The following ELAVL3 variants were observed in gnomAD, a reference collection of about 807,000 sequenced individuals.
The protein encoded by ELAVL3 is ELAV-like protein 3.
Under a neutral mutation model 34.2 loss-of-function variants are expected in ELAVL3, and 8 were observed. That is an observed-to-expected ratio of 0.23 (90% CI 0.14 to 0.42). The LOEUF is 0.42. Among genes scored for constraint, ELAVL3 ranks in the 10% least tolerant of loss-of-function variants. The pLI is 1.00. For synonymous variants in ELAVL3, 209 were observed against 222.1 expected, an observed-to-expected ratio of 0.94 and a Z score of 0.53; for missense variants, 273 against 518.8, an observed-to-expected ratio of 0.53 and a Z score of 4.60.
intron 1 of ELAVL3, among the ~76,000 whole-genome samples, chr19:11,473,544 A>G (rs573933696): frequency 4.6e-5 from 7 of 152,334 alleles, no homozygotes; most frequent in African/African-American, 1.7e-4. Context: ...TTGTTCCCAA[A>G]TATTGGCTAC....
intron 3 of ELAVL3, among the ~76,000 whole-genome samples, chr19:11,459,274 C>T (rs981278975): frequency 6.6e-6 from 1 of 151,992 alleles, no homozygotes; most frequent in African/African-American, 2.4e-5. Flanking sequence ...AGGCGCCCAC[C>T]ACCACGCCTA....
Position 11,480,617 on chromosome 19 carries a change from GC to G in ELAVL3, c.-10del. 1 of 1,456,608 alleles carries G rather than the reference GC, an allele frequency of 6.9e-7. No individual in the cohort carries two copies. Among genetic ancestry groups the G allele is most frequent in the South Asian group, 1.5e-5 (1 of 67,166 alleles). The allele number at this position is 1,456,608 out of a possible 1,614,324, so 90.2% of individuals were successfully genotyped here. A position where few individuals can be genotyped will look rare whatever the true frequency, so the allele number is the denominator to read the frequency against. On this transcript the variant is annotated 5_prime_UTR_variant, in exon 1 of 7. Coordinates refer to ENST00000359227, the MANE Select transcript of ELAVL3 (RefSeq NM_001420.4). This position sits in a 1 kb window ranked among gnomAD's most constrained non-coding sequence, Gnocchi z 6.8. ...ATACCTACAGTGACCATTCTTGTGTGCCCGGCGGGCGCGGTCCGTGTTGAGG... is the reference window on the plus strand; with the variant it reads ...ATACCTACAGTGACCATTCTTGTGTGCCGGCGGGCGCGGTCCGTGTTGAGG...
At chr19:11,465,350 A>G (rs907074886) in intron 3 of ELAVL3, among the ~76,000 whole-genome samples, 8 of 126,088 alleles carry the variant, frequency 6.3e-5, no homozygotes, top group South Asian at 2.4e-4. Context: ...ACACATGCGT[A>G]CACACACACA....
In ELAVL3 at chr19:11,465,124, TACAC is replaced by T. The variant is rs1971012601; in HGVS notation, c.333+1044_333+1047del. ...CACACATACACATACACCACACACATACACACCACACACATACACATACACACCA... is the reference window on the plus strand; with the variant it reads ...CACACATACACATACACCACACACATACCACACACATACACATACACACCA... On this transcript the variant is annotated intron_variant, in intron 3 of 6. Coordinates refer to ENST00000359227, the MANE Select transcript of ELAVL3 (RefSeq NM_001420.4). Among the ~76,000 whole-genome samples, 13 of 73,824 alleles carry T rather than the reference TACAC, an allele frequency of 1.8e-4. No individual in the cohort carries two copies. The Admixed American group carries it at 1.8e-3, about 10-fold the overall frequency. The allele number at this position is 73,824 out of a possible 152,430, so 48.4% of individuals were successfully genotyped here.
rs1236599277 is a variant in ELAVL3, at chr19:11,464,167, A to ATTT, written c.333+2002_333+2004dup. ...TCTCTCTCTCTATATATATATATAT[A>ATTT]TTTTTTTTTTTTTTAGACAGGGTCT... On this transcript the variant is annotated intron_variant, in intron 3 of 6. Coordinates refer to ENST00000359227, the MANE Select transcript of ELAVL3 (RefSeq NM_001420.4). Among the ~76,000 whole-genome samples, 68 of 103,836 alleles carry ATTT rather than the reference A, an allele frequency of 6.5e-4. 1 individual carries two copies. The East Asian group carries it at 7.0e-3, about 11-fold the overall frequency. The allele number at this position is 103,836 out of a possible 152,430, so 68.1% of individuals were successfully genotyped here.
chr19:11,478,926 G>C (rs1971314620), intron 1 of ELAVL3, among the ~76,000 whole-genome samples: 1 of 152,108 alleles, frequency 6.6e-6, no homozygotes, highest in African/African-American at 2.4e-5. Context: ...TGCTGACTGA[G>C]CCTCCTACTT....
In ELAVL3 at chr19:11,451,499, T is replaced by G. The variant is rs1330901453; in HGVS notation, c.*3027A>C. 6.7e-6 allele frequency: 1 copy of G among 148,484 alleles called. No individual in the cohort carries two copies. Among genetic ancestry groups the G allele is most frequent in the African/African-American group, 2.5e-5 (1 of 40,786 alleles). The allele number at this position is 148,484 out of a possible 1,614,324, so 9.2% of individuals were successfully genotyped here. On this transcript the variant is annotated 3_prime_UTR_variant, in exon 7 of 7. Transcript: ENST00000359227. ...TTTTTTGTCTTTTGTTTTGTCTTTT[T>G]TTTTTTTTTTTTTTTTACAGTTTTT...
At chr19:11,457,580 A>C (rs1863439583) in intron 5 of ELAVL3, among the ~76,000 whole-genome samples, 1 of 151,784 alleles carries the variant, frequency 6.6e-6, no homozygotes, top group Non-Finnish European at 1.5e-5. Context: ...ATGAGCTTGG[A>C]CTCCAGGTCC....
At chr19:11,461,320 A>T (rs1970879007) in intron 3 of ELAVL3, among the ~76,000 whole-genome samples, 1 of 152,316 alleles carries the variant, frequency 6.6e-6, no homozygotes, top group South Asian at 2.1e-4. Context: ...TTGTGTGTTT[A>T]TCAATGTCCT....
chr19:11,455,020 A>C, intron 6 of ELAVL3, 143 bp from the exon 7 acceptor site: 1 of 930,074 alleles, frequency 1.1e-6, no homozygotes, highest in Non-Finnish European at 1.6e-6. Flanking sequence ...TTTTTTAGAG[A>C]CACGGTCTCG....
In ELAVL3 at chr19:11,458,924, C is replaced by T. The variant is rs1195338721; in HGVS notation, c.334-313G>A. On this transcript the variant is annotated intron_variant, in intron 3 of 6. Transcript: ENST00000359227. The surrounding 1 kb of genome is among the most constrained non-coding windows in gnomAD (Gnocchi z 7.3). ...AGCCGGCTCACATCACTATCACATG[C>T]TTGACAGTCCATCAACAAACATTGA... Among the ~76,000 whole-genome samples, 1 of 151,600 alleles carries T rather than the reference C, an allele frequency of 6.6e-6. No homozygotes were observed. The highest frequency in any genetic ancestry group is 2.4e-5 in the African/African-American group (1 of 41,186).
At position 11,454,155 on chromosome 19, in the gene ELAVL3, G is replaced by T. The variant is rs1288264696; in HGVS notation, c.*371C>A. ...AAGGGGGTCTGGGAGGGCACCCCCT[G>T]GAGCCCCCCAAGCCATCCCATCGGG... On this transcript the variant is annotated 3_prime_UTR_variant, in exon 7 of 7. Transcript: ENST00000359227. This position sits in a 1 kb window ranked among gnomAD's most constrained non-coding sequence, Gnocchi z 9.2. 1.0e-5 allele frequency: 2 copies of T among 193,522 alleles called. No individual in the cohort carries two copies. Among genetic ancestry groups the T allele is most frequent in the South Asian group, 2.4e-4 (2 of 8,188 alleles). 12.0% of individuals were successfully genotyped at this position (193,522 alleles called of 1,614,324 possible).
chr19:11,466,521 C>A lies in ELAVL3; in HGVS notation c.229+87G>T. 1 of 1,475,524 alleles carries A rather than the reference C, an allele frequency of 6.8e-7. No individual in the cohort carries two copies. Among genetic ancestry groups the A allele is most frequent in the Non-Finnish European group, 9.4e-7 (1 of 1,069,436 alleles). The allele number at this position is 1,475,524 out of a possible 1,614,324, so 91.4% of individuals were successfully genotyped here. A position where few individuals can be genotyped will look rare whatever the true frequency, so the allele number is the denominator to read the frequency against. ...TCCTGCCTCGATTACCCCCGAGACACCTCAGCAAGGGTCCCACCTGCCCCC... is the reference window on the plus strand; with the variant it reads ...TCCTGCCTCGATTACCCCCGAGACAACTCAGCAAGGGTCCCACCTGCCCCC... On this transcript the variant is annotated intron_variant, in intron 2 of 6. Transcript: ENST00000359227. This position sits in a 1 kb window ranked among gnomAD's most constrained non-coding sequence, Gnocchi z 5.0.
rs1452485294 is a variant in ELAVL3 at position 11,458,101 on chromosome 19, G to A, written c.673C>T (p.Arg225Cys). The part of the protein sequence containing the change: ...LTHLYQSSAR[R>C]YAGPLHHQTQ... ...TGATGGTGTAGGGGGCCTGCGTAGC[G>A]CCGGGCGGATGACTGGTAGAGGTGG... is the stretch of plus-strand genomic sequence containing the variant. Residue 225 changes from arginine (R) to cysteine (C), a missense_variant, in exon 5 of 7, where the codon CGC (arginine) becomes TGC (cysteine). By Grantham distance (180) the Arg-to-Cys change is radical. This residue lies in a region of ELAVL3 where 79 missense variants were observed against 108.2 expected (regional missense o/e 0.73). Transcript: ENST00000359227. The surrounding 1 kb of genome is among the most constrained non-coding windows in gnomAD (Gnocchi z 7.3). 3 of 1,613,710 alleles carry A rather than the reference G, an allele frequency of 1.9e-6. No individual in the cohort carries two copies. Among genetic ancestry groups the A allele is most frequent in the East Asian group, 2.2e-5 (1 of 44,888 alleles).
At chr19:11,463,039 G>T (rs1970924952) in intron 3 of ELAVL3, among the ~76,000 whole-genome samples, 1 of 151,764 alleles carries the variant, frequency 6.6e-6, no homozygotes, top group Non-Finnish European at 1.5e-5. Flanking sequence ...TCTCTCCCAT[G>T]GGGCTAGGAG....
Position 11,466,797 on chromosome 19 carries a change from C to A in ELAVL3, c.40G>T (p.Gly14Trp), listed in dbSNP as rs201228575. The A allele has an allele frequency of 1.9e-6, 3 of 1,611,278 alleles. No homozygotes were observed. Among genetic ancestry groups the A allele is most frequent in the Non-Finnish European group, 1.7e-6 (2 of 1,178,746 alleles). The part of the protein sequence containing the change: ...QILGAMESQV[G>W]GGPAGPALPN... ...AGGGCCGGGCCGGCCGGGCCCCCCC[C>A]CACCTGAGACTCCATGGCCCCCAGT... The change falls in exon 2 of 7, where the codon GGG (glycine) becomes TGG (tryptophan). Residue 14 changes from glycine to tryptophan, a missense_variant. Around this residue, in one of 4 missense-constraint regions of ELAVL3, gnomAD observed 40 missense variants for 40.8 expected, o/e 0.98. Transcript: ENST00000359227. The surrounding 1 kb of genome is among the most constrained non-coding windows in gnomAD (Gnocchi z 5.0).
rs918911222 is a variant in ELAVL3, at chr19:11,453,658, C to T, written c.*868G>A. 4 of 152,876 alleles carry T rather than the reference C, an allele frequency of 2.6e-5. No homozygotes were observed. The highest frequency in any genetic ancestry group is 2.1e-4 in the South Asian group (1 of 4,830). The allele number at this position is 152,876 out of a possible 1,614,324, so 9.5% of individuals were successfully genotyped here. ...TGAGTTTGGCCAACCAGTCCCTTAA[C>T]GTGTCTGGGGCATGTCGCTGTGTCC... is the stretch of plus-strand genomic sequence containing the variant. On this transcript the variant is annotated 3_prime_UTR_variant, in exon 7 of 7. Coordinates refer to ENST00000359227, the MANE Select transcript of ELAVL3 (RefSeq NM_001420.4).
chr19:11,459,588 T>G (rs1238583692), intron 3 of ELAVL3, among the ~76,000 whole-genome samples: 1 of 150,250 alleles, frequency 6.7e-6, no homozygotes, highest in Non-Finnish European at 1.5e-5. Flanking sequence ...TTAAATTTTT[T>G]TTTTTGTAGA....
Position 11,452,329 on chromosome 19 carries a change from A to G in ELAVL3, c.*2197T>C, listed in dbSNP as rs1401261091. On this transcript the variant is annotated 3_prime_UTR_variant, in exon 7 of 7. Coordinates refer to ENST00000359227, the MANE Select transcript of ELAVL3 (RefSeq NM_001420.4). Reference sequence around the variant, plus strand: ...GAACATTGTCGTTCCTTTAACTTGCAAACCGGATGAAGTAACAGAAATATA... The same window carrying G: ...GAACATTGTCGTTCCTTTAACTTGCGAACCGGATGAAGTAACAGAAATATA... 1 of 152,266 alleles carries G rather than the reference A, an allele frequency of 6.6e-6. No homozygotes were observed. The highest frequency in any genetic ancestry group is 1.5e-5 in the Non-Finnish European group (1 of 68,050). The allele number at this position is 152,266 out of a possible 1,614,324, so 9.4% of individuals were successfully genotyped here. A position where few individuals can be genotyped will look rare whatever the true frequency, so the allele number is the denominator to read the frequency against.
Sources: gnomAD v4.1 joint callset for allele counts (sites outside exome capture counted in the v4.1 genomes callset) on GRCh38, gnomAD v4.1.1 for gene constraint, gnomAD v4.1.1 regional missense constraint, Gnocchi (gnomAD v3.1) non-coding constraint, MANE v1.5 for transcripts, NCBI Gene and HGNC (gene_info 2026-07-23, HGNC 2026-07-21) for gene names.